HMG20A: variants seen among roughly 807,000 people sequenced by gnomAD.
The protein encoded by HMG20A is high mobility group 20A.
Under a neutral mutation model 43.9 loss-of-function variants are expected in HMG20A, and 17 were observed. The ratio of observed to expected loss-of-function variants is 0.39; its 90% CI spans 0.27 to 0.58. HMG20A has a LOEUF of 0.58. Ranked by LOEUF, HMG20A falls within the 20% of genes least tolerant of loss-of-function variation. HMG20A has a pLI of 0.59. For synonymous variants in HMG20A, 132 were observed against 147.5 expected, an observed-to-expected ratio of 0.89 and a Z score of 0.76; for missense variants, 341 against 438.2, an observed-to-expected ratio of 0.78 and a Z score of 1.98.
In HMG20A at chr15:77,450,424, C is replaced by G. The variant is rs185995550; in HGVS notation, c.-4-7980C>G. On this transcript the variant is annotated intron_variant, in intron 1 of 9. Coordinates refer to ENST00000336216, the MANE Select transcript of HMG20A (RefSeq NM_001304504.2). ...ACATGGCTTGAAGGTAATTTTATAG[C>G]AATGATTTTATTTATTTTGTGTATG... 1.9e-3 allele frequency among the ~76,000 whole-genome samples: 286 copies of G among 152,244 alleles called. 1 individual carries two copies. The highest frequency in any genetic ancestry group is 2.8e-3 in the Non-Finnish European group (193 of 68,006).
intron 5 of HMG20A, among the ~76,000 whole-genome samples, chr15:77,471,316 T>G (rs1374198564): frequency 6.6e-6 from 1 of 152,166 alleles, no homozygotes; most frequent in African/African-American, 2.4e-5. Context: ...ATTCCCAGTT[T>G]AGGCATTTCT....
At chr15:77,488,269 T>C (rs781104702), downstream of HMG20A, among the ~76,000 whole-genome samples, 2 of 152,026 alleles carry the variant, frequency 1.3e-5, no homozygotes, top group Non-Finnish European at 2.9e-5. Flanking sequence ...AGAGCCAGAG[T>C]TTTTTATACC....
chr15:77,452,774 G>A (rs1266860761), intron 1 of HMG20A, among the ~76,000 whole-genome samples: 1 of 152,058 alleles, frequency 6.6e-6, no homozygotes, highest in Non-Finnish European at 1.5e-5. Context: ...AGTTAAAAAC[G>A]TTTGTATTTC....
the HMG20A span, among the ~76,000 whole-genome samples, chr15:77,490,973 T>TA: frequency 6.6e-6 from 1 of 152,248 alleles, no homozygotes; most frequent in Non-Finnish European, 1.5e-5. Flanking sequence ...TAGATCCAGT[T>TA]ACGTTGTGCG....
At chr15:77,447,435 G>A (rs532299164) in intron 1 of HMG20A, among the ~76,000 whole-genome samples, 3 of 152,084 alleles carry the variant, frequency 2.0e-5, no homozygotes, top group East Asian at 3.9e-4. Context: ...CACATTTTCC[G>A]TCCTAATATT....
chr15:77,499,511 C>G, the HMG20A span, among the ~76,000 whole-genome samples: 1 of 152,142 alleles, frequency 6.6e-6, no homozygotes, highest in Non-Finnish European at 1.5e-5. Context: ...CCCTCCACAT[C>G]TCATTCACAG....
At chr15:77,426,315 G>A (rs1595909549) in intron 1 of HMG20A, among the ~76,000 whole-genome samples, 2 of 152,128 alleles carry the variant, frequency 1.3e-5, no homozygotes, top group African/African-American at 4.8e-5. Flanking sequence ...AGTTAACTAC[G>A]TAAATAGCTT....
intron 4 of HMG20A, among the ~76,000 whole-genome samples, chr15:77,468,776 T>C (rs1229973894): frequency 6.6e-6 from 1 of 152,214 alleles, no homozygotes; most frequent in African/African-American, 2.4e-5. Context: ...ATCAATTTCA[T>C]AATTTTTCAT....
At chr15:77,495,265 C>T in the HMG20A span, among the ~76,000 whole-genome samples, 1 of 152,130 alleles carries the variant, frequency 6.6e-6, no homozygotes, top group African/African-American at 2.4e-5. Context: ...GGCAGTAAAG[C>T]CAGCAGGCGT....
At chr15:77,513,277 G>C in the HMG20A span, among the ~76,000 whole-genome samples, 1 of 152,104 alleles carries the variant, frequency 6.6e-6, no homozygotes, top group Non-Finnish European at 1.5e-5. Context: ...CTTCTCAAAT[G>C]GTTCAGAAAA....
intron 4 of HMG20A, among the ~76,000 whole-genome samples, chr15:77,469,943 C>T (rs899248982): frequency 3.9e-5 from 6 of 152,038 alleles, no homozygotes; most frequent in Non-Finnish European, 2.9e-5. Context: ...GTTGGGATTA[C>T]GTGCGTGAGC....
At chr15:77,452,964 C>T (rs796746958) in intron 1 of HMG20A, among the ~76,000 whole-genome samples, 2 of 152,204 alleles carry the variant, frequency 1.3e-5, no homozygotes, top group South Asian at 2.1e-4. Flanking sequence ...TGGTGGCTCA[C>T]GCCTATAATC....
the HMG20A span, among the ~76,000 whole-genome samples, chr15:77,498,186 C>G: frequency 1.3e-5 from 2 of 152,164 alleles, no homozygotes. Context: ...CCTTTCTTAC[C>G]TTCCAGAAAG....
At chr15:77,425,018 G>A (rs2073411996) in intron 1 of HMG20A, among the ~76,000 whole-genome samples, 1 of 151,812 alleles carries the variant, frequency 6.6e-6, no homozygotes, top group African/African-American at 2.4e-5. Context: ...GCTATTTTCT[G>A]CCTGAAACAC....
downstream of HMG20A, among the ~76,000 whole-genome samples, chr15:77,490,384 G>T (rs146165451): frequency 4.8e-3 from 724 of 152,304 alleles, 4 homozygotes; most frequent in African/African-American, 0.016. Flanking sequence ...CTAGGAGAAG[G>T]CTGGCATAGG....
the HMG20A span, among the ~76,000 whole-genome samples, chr15:77,493,039 C>G: frequency 6.6e-6 from 1 of 152,126 alleles, no homozygotes; most frequent in Non-Finnish European, 1.5e-5. Flanking sequence ...AGTCTACTTT[C>G]ATTACTTGGT....
intron 1 of HMG20A, among the ~76,000 whole-genome samples, chr15:77,433,673 G>T (rs80000764): frequency 0.02 from 3,059 of 152,122 alleles, 103 homozygotes; most frequent in African/African-American, 0.069. Context: ...TTTTTAAAAT[G>T]CCATTTACAA....
intron 1 of HMG20A, among the ~76,000 whole-genome samples, chr15:77,438,068 C>T (rs1003590027): frequency 1.3e-5 from 2 of 151,504 alleles, no homozygotes; most frequent in Admixed American, 1.3e-4. Context: ...GTGATCCTCC[C>T]GCCTCAGCCT....
At chr15:77,451,382 AT>A (rs1350240091) in intron 1 of HMG20A, among the ~76,000 whole-genome samples, 1 of 152,214 alleles carries the variant, frequency 6.6e-6, no homozygotes, top group African/African-American at 2.4e-5. Flanking sequence ...TCCCCACATA[AT>A]GAAGGAGAGT....
Sources: allele counts gnomAD v4.1 joint callset (sites outside exome capture counted in the v4.1 genomes callset), GRCh38; gene constraint gnomAD v4.1.1; transcripts MANE v1.5; gene names NCBI Gene and HGNC (gene_info 2026-07-23, HGNC 2026-07-21).